The following CDYL2 variants were observed in gnomAD, a reference collection of about 807,000 sequenced individuals.
CDYL2 encodes the protein chromodomain Y-like protein 2.
CDYL2 carries 23 observed loss-of-function variants against 49.4 expected under a neutral mutation model. The observed-to-expected ratio is 0.47, with a 90% CI of 0.34 to 0.66. CDYL2 has a LOEUF of 0.66. Ranked by LOEUF, CDYL2 falls within the 30% of genes least tolerant of loss-of-function variation. The pLI is 0.01. For missense variants in CDYL2, 678 were observed against 656.4 expected (o/e 1.03, Z -0.36); for synonymous variants, 360 against 268.8 (o/e 1.34, Z -3.32).
chr16:80,775,716 T>C (rs1907060585), intron 1 of CDYL2, among the ~76,000 whole-genome samples: 1 of 151,874 alleles, frequency 6.6e-6, no homozygotes, highest in African/African-American at 2.4e-5. Context: ...CATGGAAACC[T>C]AACAAATACA....
intron 1 of CDYL2, among the ~76,000 whole-genome samples, chr16:80,709,718 C>G (rs185911851): frequency 6.6e-6 from 1 of 152,134 alleles, no homozygotes; most frequent in Non-Finnish European, 1.5e-5. Context: ...CTTCTCACAT[C>G]TACTTCCACA....
Position 80,604,190 on chromosome 16 carries a change from G to C in CDYL2, c.*198C>G, listed in dbSNP as rs1345636580. The C allele has an allele frequency of 1.6e-6, 1 of 616,996 alleles. No homozygotes were observed. The highest frequency in any genetic ancestry group is 1.8e-5 in the African/African-American group (1 of 54,188). The allele number at this position is 616,996 out of a possible 1,614,324, so 38.2% of individuals were successfully genotyped here. On this transcript the variant is annotated 3_prime_UTR_variant, in exon 7 of 7. Transcript: ENST00000570137. ...GGCCAGGAAGGGCAGGGAGGTGGGG[G>C]AGGCCAAGTATGCTGCGTTTTCCAT...
rs185857347 is a variant in CDYL2, at chr16:80,605,321, T to C, written c.1363-775A>G. 4.0e-3 allele frequency among the ~76,000 whole-genome samples: 591 copies of C among 148,612 alleles called. 3 individuals are homozygous for C. Among genetic ancestry groups the C allele is most frequent in the African/African-American group, 0.014 (567 of 40,892 alleles). ...ACATATGTATATAGGTAAACACATG[T>C]ATATATGTATATACACTATAATATA... On this transcript the variant is annotated intron_variant, in intron 6 of 6. Transcript: ENST00000570137.
Position 80,601,994 on chromosome 16 carries a change from C to G in CDYL2, c.*2394G>C, listed in dbSNP as rs761970101. 6.6e-6 allele frequency: 1 copy of G among 152,188 alleles called. No individual in the cohort carries two copies. The highest frequency in any genetic ancestry group is 6.5e-5 in the Admixed American group (1 of 15,292). 9.4% of individuals were successfully genotyped at this position (152,188 alleles called of 1,614,324 possible). On this transcript the variant is annotated 3_prime_UTR_variant, in exon 7 of 7. Coordinates refer to ENST00000570137, the MANE Select transcript of CDYL2 (RefSeq NM_152342.4). ...ATCTAAAGGAATTTCTAAACATCCC[C>G]TTCCATGTCCAAGGAGAATCCTGAC...
At chr16:80,720,217 C>G (rs1904952115) in intron 1 of CDYL2, among the ~76,000 whole-genome samples, 1 of 152,186 alleles carries the variant, frequency 6.6e-6, no homozygotes, top group Non-Finnish European at 1.5e-5. Context: ...CAGTTCCCCT[C>G]ATGACTCCCC....
At chr16:80,645,055 A>G (rs1182070654) in intron 2 of CDYL2, among the ~76,000 whole-genome samples, 2 of 152,172 alleles carry the variant, frequency 1.3e-5, no homozygotes, top group East Asian at 1.9e-4. Flanking sequence ...AACCTAGGCA[A>G]TACCATTCAG....
In CDYL2 at chr16:80,633,169, C is replaced by T; in HGVS notation, c.684G>A (p.Lys228=). The change falls in exon 3 of 7, where the codon AAG becomes AAA. Residue 228 remains lysine, a synonymous_variant. Transcript: ENST00000570137. ...SPVKRKLEAE[K]DYVFDKRLRY... is the part of the protein sequence containing the mutation. ...TGAGCCTTTTGTCAAAGACGTAGTCCTTCTCCGCTTCCAGCTTCCTCTTCA... is the reference window on the plus strand; with the variant it reads ...TGAGCCTTTTGTCAAAGACGTAGTCTTTCTCCGCTTCCAGCTTCCTCTTCA... 6.2e-7 allele frequency: 1 copy of T among 1,614,202 alleles called. No homozygotes were observed. The highest frequency in any genetic ancestry group is 8.5e-7 in the Non-Finnish European group (1 of 1,180,036).
chr16:80,793,714 T>C (rs950640763), intron 1 of CDYL2, among the ~76,000 whole-genome samples: 5 of 152,172 alleles, frequency 3.3e-5, no homozygotes, highest in African/African-American at 1.2e-4. Flanking sequence ...TCCCTAACAA[T>C]ATGTTTCCAG....
intron 1 of CDYL2, among the ~76,000 whole-genome samples, chr16:80,769,020 T>G (rs1906819155): frequency 6.6e-6 from 1 of 152,178 alleles, no homozygotes; most frequent in Non-Finnish European, 1.5e-5. Context: ...CCCTTTTACC[T>G]CTGAATAAAG....
intron 1 of CDYL2, among the ~76,000 whole-genome samples, chr16:80,711,126 C>G (rs1904581023): frequency 6.6e-6 from 1 of 152,202 alleles, no homozygotes; most frequent in African/African-American, 2.4e-5. Flanking sequence ...GACTGGCAAA[C>G]TGGACAGTGC....
At position 80,684,569 on chromosome 16, in the gene CDYL2, C is replaced by G. The variant is rs766579362; in HGVS notation, c.585G>C (p.Val195=). ...VGEQDMGECD[V]NHATLAENGL... is the part of the protein sequence containing the mutation. ...CGTTCTCCGCCAGTGTAGCGTGATT[C>G]ACGTCACATTCACCCATATCTTGCT... Residue 195 remains valine, a synonymous_variant, in exon 2 of 7, where the codon GTG becomes GTC. Coordinates refer to ENST00000570137, the MANE Select transcript of CDYL2 (RefSeq NM_152342.4). 6.2e-7 allele frequency: 1 copy of G among 1,614,020 alleles called. No homozygotes were observed. Among genetic ancestry groups the G allele is most frequent in the Admixed American group, 1.7e-5 (1 of 60,010 alleles).
intron 1 of CDYL2, among the ~76,000 whole-genome samples, chr16:80,741,774 C>T (rs59123877): frequency 0.023 from 3,461 of 152,224 alleles, 141 homozygotes; most frequent in African/African-American, 0.081. Context: ...ATTAAATAAT[C>T]GCCCAGCATT....
intron 1 of CDYL2, among the ~76,000 whole-genome samples, chr16:80,797,219 C>T (rs139854987): frequency 1.3e-5 from 2 of 152,272 alleles, no homozygotes; most frequent in East Asian, 1.9e-4. Context: ...CTGCTGTGGA[C>T]GTCTGTACCT....
chr16:80,667,672 T>C (rs1380279346), intron 2 of CDYL2, among the ~76,000 whole-genome samples: 2 of 152,160 alleles, frequency 1.3e-5, no homozygotes, highest in East Asian at 3.8e-4. Context: ...GTACTGTATG[T>C]AAAGTGATTT....
rs141893815 is a variant in CDYL2, at chr16:80,715,388, C to T, written c.25-30259G>A. 4.6e-5 allele frequency among the ~76,000 whole-genome samples: 7 copies of T among 152,260 alleles called. No homozygotes were observed. In the East Asian group the frequency reaches 9.7e-4, roughly 21 times the overall value. On this transcript the variant is annotated intron_variant, in intron 1 of 6. Coordinates refer to ENST00000570137, the MANE Select transcript of CDYL2 (RefSeq NM_152342.4). The stretch of plus-strand genomic sequence containing the variant: ...CAATACCCCAACTAATCCAGTTATC[C>T]AAGGCGAGGAGCCATTCTGACAACC...
Position 80,690,126 on chromosome 16 carries a change from T to TA in CDYL2, c.25-4998dup, listed in dbSNP as rs531660193. 5.7e-3 allele frequency among the ~76,000 whole-genome samples: 768 copies of TA among 133,786 alleles called. 5 individuals are homozygous for TA. The highest frequency in any genetic ancestry group is 0.018 in the African/African-American group (642 of 35,528). The allele number at this position is 133,786 out of a possible 152,430, so 87.8% of individuals were successfully genotyped here. ...ACAGAGCAAGACTCTGTCTCAAAAA[T>TA]AAAAAAAAAATAAAAAAATAAATAG... On this transcript the variant is annotated intron_variant, in intron 1 of 6. Transcript: ENST00000570137.
chr16:80,662,354 T>C (rs113420333), intron 2 of CDYL2, among the ~76,000 whole-genome samples: 3,685 of 152,276 alleles, frequency 0.024, 109 homozygotes, highest in African/African-American at 0.064. Context: ...TTCTCCCTCC[T>C]GGAGAAAGCA....
chr16:80,732,706 A>G (rs1905373188), intron 1 of CDYL2, among the ~76,000 whole-genome samples: 1 of 152,228 alleles, frequency 6.6e-6, no homozygotes, highest in Admixed American at 6.5e-5. Context: ...ATTTACAAGG[A>G]AGCCTAAGAA....
intron 1 of CDYL2, among the ~76,000 whole-genome samples, chr16:80,714,171 C>A (rs2142515953): frequency 6.6e-6 from 1 of 152,302 alleles, no homozygotes; most frequent in Middle Eastern, 3.4e-3. Context: ...CTGTCCCAGT[C>A]TCACGACCCA....
Sources: gnomAD v4.1 joint callset for allele counts (sites outside exome capture counted in the v4.1 genomes callset) on GRCh38, gnomAD v4.1.1 for gene constraint, MANE v1.5 for transcripts, NCBI Gene and HGNC (gene_info 2026-07-23, HGNC 2026-07-21) for gene names.